USP6NL: variants seen among roughly 807,000 people sequenced by gnomAD.
The protein encoded by USP6NL is USP6 N-terminal-like protein.
In USP6NL, 26 loss-of-function variants were observed where a neutral mutation model predicts 61.9. The observed-to-expected ratio is 0.42, with a 90% CI of 0.31 to 0.58. The LOEUF (loss-of-function observed/expected upper bound fraction) is 0.58. Among genes scored for constraint, USP6NL ranks in the 20% least tolerant of loss-of-function variants. USP6NL has a pLI of 0.16. For missense variants in USP6NL, 1,114 were observed against 1,034.3 expected, an observed-to-expected ratio of 1.08 and a Z score of -1.06; for synonymous variants, 432 against 390.1, an observed-to-expected ratio of 1.11 and a Z score of -1.27.
At position 11,496,945 on chromosome 10, in the gene USP6NL, C is replaced by A. The variant is rs149496038; in HGVS notation, c.385-3717G>T. ...CAGCCACAGTATGTTTCAGAATTCT[C>A]AAGACAGAGGAAGACATTTAGAGTA... is the stretch of plus-strand genomic sequence containing the variant. On this transcript the variant is annotated intron_variant, in intron 7 of 14. Transcript: ENST00000609104. The surrounding 1 kb of genome is among the most constrained non-coding windows in gnomAD (Gnocchi z 5.4). 2.9e-3 allele frequency among the ~76,000 whole-genome samples: 443 copies of A among 152,046 alleles called. 4 individuals are homozygous for A. The highest frequency in any genetic ancestry group is 0.01 in the African/African-American group (419 of 41,444).
chr10:11,558,104 T>C (rs1836784797), intron 2 of USP6NL, among the ~76,000 whole-genome samples: 1 of 152,188 alleles, frequency 6.6e-6, no homozygotes, highest in Non-Finnish European at 1.5e-5. Context: ...AGGTACAAAG[T>C]AGCCGTAAAG....
chr10:11,464,043 A>G (rs1832331537), intron 14 of USP6NL, among the ~76,000 whole-genome samples, 194 bp from the exon 15 acceptor site: 1 of 152,180 alleles, frequency 6.6e-6, no homozygotes, highest in Non-Finnish European at 1.5e-5. Flanking sequence ...GTAGCTGATG[A>G]GAGGTGTTTT....
intron 5 of USP6NL, among the ~76,000 whole-genome samples, chr10:11,516,049 A>G (rs947146275): frequency 3.9e-5 from 6 of 152,232 alleles, no homozygotes; most frequent in African/African-American, 1.2e-4. Flanking sequence ...AAAATCATCA[A>G]TAAACTCAAA....
chr10:11,555,433 AAT>A lies in USP6NL; in HGVS notation c.5-27868_5-27867del, dbSNP rs1157927483. Among the ~76,000 whole-genome samples, 112 of 49,002 alleles carry A rather than the reference AAT, an allele frequency of 2.3e-3. 2 individuals are homozygous for A. Among genetic ancestry groups the A allele is most frequent in the African/African-American group, 3.5e-3 (37 of 10,630 alleles). The allele number at this position is 49,002 out of a possible 152,430, so 32.1% of individuals were successfully genotyped here. ...TCGGTCTTAAAAAAAAAAAAAAAAA[AAT>A]ATATATATATATATATAGAGAGAGA... On this transcript the variant is annotated intron_variant, in intron 2 of 14. Coordinates refer to ENST00000609104, the MANE Select transcript of USP6NL (RefSeq NM_014688.5).
chr10:11,504,741 C>T lies in USP6NL; in HGVS notation c.277-3533G>A, dbSNP rs184147703. Among the ~76,000 whole-genome samples the T allele has an allele frequency of 5.9e-5, 9 of 152,300 alleles. No individual in the cohort carries two copies. In the East Asian group the frequency reaches 1.5e-3, roughly 26 times the overall value. Reference sequence around the variant, plus strand: ...AAAGATCTGTGGAGCTCACAGCGTACTGGGAAGAGAAATACGTAAGCTGAT... The same window carrying T: ...AAAGATCTGTGGAGCTCACAGCGTATTGGGAAGAGAAATACGTAAGCTGAT... On this transcript the variant is annotated intron_variant, in intron 6 of 14. Transcript: ENST00000609104.
intron 2 of USP6NL, among the ~76,000 whole-genome samples, chr10:11,580,949 C>T (rs951462063): frequency 6.6e-6 from 1 of 151,614 alleles, no homozygotes; most frequent in South Asian, 2.1e-4. Flanking sequence ...CTTGTTTGGC[C>T]CTAAATATAA....
At chr10:11,473,335 T>A (rs1832834508) in intron 14 of USP6NL, among the ~76,000 whole-genome samples, 1 of 152,150 alleles carries the variant, frequency 6.6e-6, no homozygotes, top group Non-Finnish European at 1.5e-5. Context: ...AATAGAGACA[T>A]GACTGACAGA....
At chr10:11,466,827 G>C (rs929520092) in intron 14 of USP6NL, among the ~76,000 whole-genome samples, 1 of 152,090 alleles carries the variant, frequency 6.6e-6, no homozygotes, top group Non-Finnish European at 1.5e-5. Flanking sequence ...AATACTGCAG[G>C]GTCACTGGAA....
chr10:11,566,832 C>A (rs771206413), intron 2 of USP6NL, among the ~76,000 whole-genome samples: 1 of 152,212 alleles, frequency 6.6e-6, no homozygotes, highest in African/African-American at 2.4e-5. Flanking sequence ...AGGAATGGTG[C>A]GGGGCACAGT....
At chr10:11,502,192 G>C (rs1834229050) in intron 6 of USP6NL, among the ~76,000 whole-genome samples, 1 of 151,202 alleles carries the variant, frequency 6.6e-6, no homozygotes, top group Non-Finnish European at 1.5e-5. Context: ...CCGGGAGGCA[G>C]AGCTTGCAGT....
chr10:11,541,985 T>C (rs1591907648), intron 2 of USP6NL, among the ~76,000 whole-genome samples: 1 of 152,196 alleles, frequency 6.6e-6, no homozygotes, highest in East Asian at 1.9e-4. Flanking sequence ...AGGTTTTAGA[T>C]GGAAAGCTGT....
rs2133256896 is a variant in USP6NL at position 11,489,362 on chromosome 10, C to G, written c.544-140G>C. 4 of 1,083,970 alleles carry G rather than the reference C, an allele frequency of 3.7e-6. No homozygotes were observed. The highest frequency in any genetic ancestry group is 3.1e-5 in the African/African-American group (2 of 63,790). The allele number at this position is 1,083,970 out of a possible 1,614,324, so 67.1% of individuals were successfully genotyped here. On this transcript the variant is annotated intron_variant, in intron 9 of 14. Coordinates refer to ENST00000609104, the MANE Select transcript of USP6NL (RefSeq NM_014688.5). The surrounding 1 kb of genome is among the most constrained non-coding windows in gnomAD (Gnocchi z 5.7). ...GTCCATTCTAGAGACAAATACTATACTCTTTACAGTATTATGCCACATAAG... is the reference window on the plus strand; with the variant it reads ...GTCCATTCTAGAGACAAATACTATAGTCTTTACAGTATTATGCCACATAAG...
At chr10:11,494,038 C>T (rs1010823494) in intron 7 of USP6NL, among the ~76,000 whole-genome samples, 1 of 152,164 alleles carries the variant, frequency 6.6e-6, no homozygotes, top group Non-Finnish European at 1.5e-5. Flanking sequence ...AGGAACACAC[C>T]CTTTAGTAGC....
intron 2 of USP6NL, among the ~76,000 whole-genome samples, chr10:11,536,356 G>A (rs1318411347): frequency 6.6e-6 from 1 of 152,184 alleles, no homozygotes; most frequent in East Asian, 1.9e-4. Context: ...CAGGCCCAGA[G>A]AGATGTGCAT....
rs1309964040 is a variant in USP6NL, at chr10:11,511,930, T to C, written c.196-2255A>G. Among the ~76,000 whole-genome samples, 5 of 152,104 alleles carry C rather than the reference T, an allele frequency of 3.3e-5. No homozygotes were observed. Among genetic ancestry groups the C allele is most frequent in the Non-Finnish European group, 1.5e-5 (1 of 68,016 alleles). On this transcript the variant is annotated intron_variant, in intron 5 of 14. Coordinates refer to ENST00000609104, the MANE Select transcript of USP6NL (RefSeq NM_014688.5). The surrounding 1 kb of genome is among the most constrained non-coding windows in gnomAD (Gnocchi z 4.9). ...AGTGCTAACTCCATAATGCTGTCCATTCAACAATACCAAACTTGAATGCAC... is the reference window on the plus strand; with the variant it reads ...AGTGCTAACTCCATAATGCTGTCCACTCAACAATACCAAACTTGAATGCAC...
At chr10:11,504,582 T>A (rs979623081) in intron 6 of USP6NL, among the ~76,000 whole-genome samples, 2 of 152,208 alleles carry the variant, frequency 1.3e-5, no homozygotes, top group African/African-American at 4.8e-5. Context: ...GTGGCAGAAT[T>A]TATCAGTAAA....
intron 1 of USP6NL, among the ~76,000 whole-genome samples, chr10:11,607,239 T>C (rs998788244): frequency 1.3e-5 from 2 of 152,218 alleles, no homozygotes; most frequent in African/African-American, 4.8e-5. Context: ...ATCTATTCAA[T>C]TTTTTTCCAT....
At position 11,489,021 on chromosome 10, in the gene USP6NL, T is replaced by C. The variant is rs1387818907; in HGVS notation, c.664+81A>G. ...AGACATTAAATTTGCTGTATGTAAC[T>C]CTTGCAAGCATCTTTGGTTTTGTTT... is the stretch of plus-strand genomic sequence containing the variant. On this transcript the variant is annotated intron_variant, in intron 10 of 14. Transcript: ENST00000609104. The surrounding 1 kb of genome is among the most constrained non-coding windows in gnomAD (Gnocchi z 5.7). 1 of 1,565,866 alleles carries C rather than the reference T, an allele frequency of 6.4e-7. No homozygotes were observed. The highest frequency in any genetic ancestry group is 1.4e-5 in the African/African-American group (1 of 73,772).
At chr10:11,560,994 T>C (rs1591929395) in intron 2 of USP6NL, among the ~76,000 whole-genome samples, 2 of 151,952 alleles carry the variant, frequency 1.3e-5, no homozygotes, top group Non-Finnish European at 2.9e-5. Context: ...CTTAAAAAAA[T>C]GTATATGGGA....
Sources: gnomAD v4.1 joint callset for allele counts (sites outside exome capture counted in the v4.1 genomes callset) on GRCh38, gnomAD v4.1.1 for gene constraint, Gnocchi (gnomAD v3.1) non-coding constraint, MANE v1.5 for transcripts, NCBI Gene and HGNC (gene_info 2026-07-23, HGNC 2026-07-21) for gene names.